SLC35F3: variants seen among roughly 807,000 people sequenced by gnomAD.
SLC35F3 encodes the protein putative thiamine transporter SLC35F3.
In SLC35F3, 25 loss-of-function variants were observed where a neutral mutation model predicts 49.9. That is an observed-to-expected ratio of 0.50 (90% CI 0.37 to 0.70). The LOEUF (loss-of-function observed/expected upper bound fraction) is 0.70. Ranked by LOEUF, SLC35F3 falls within the 30% of genes least tolerant of loss-of-function variation. The pLI, the probability that SLC35F3 is intolerant of heterozygous loss-of-function variation, is 0.00. For missense variants in SLC35F3, 525 were observed against 639.8 expected (o/e 0.82, Z 1.94); for synonymous variants, 275 against 265.4 (o/e 1.04, Z -0.35).
At chr1:234,227,523 T>C (rs982073453) in intron 2 of SLC35F3, among the ~76,000 whole-genome samples, 1 of 150,878 alleles carries the variant, frequency 6.6e-6, no homozygotes, top group Non-Finnish European at 1.5e-5. Context: ...CTCAGGCTCC[T>C]GAGTAGCTGG....
chr1:234,091,956 T>C (rs1017022510), intron 2 of SLC35F3, among the ~76,000 whole-genome samples: 1 of 152,190 alleles, frequency 6.6e-6, no homozygotes, highest in African/African-American at 2.4e-5. Context: ...TGGGCTTTCT[T>C]TGGTTGTGAG....
chr1:234,270,395 A>G (rs1040268618), intron 3 of SLC35F3, among the ~76,000 whole-genome samples: 3 of 152,220 alleles, frequency 2.0e-5, no homozygotes, highest in Non-Finnish European at 4.4e-5. Context: ...TTCTCAGGTT[A>G]TCTTATCTTC....
intron 2 of SLC35F3, among the ~76,000 whole-genome samples, chr1:234,149,750 A>G (rs775236772): frequency 6.6e-6 from 1 of 152,248 alleles, no homozygotes; most frequent in Admixed American, 6.5e-5. Context: ...AATCAGGAGC[A>G]TGCTTTTCTT....
At chr1:233,992,585 C>T (rs1193938428) in intron 2 of SLC35F3, among the ~76,000 whole-genome samples, 2 of 152,166 alleles carry the variant, frequency 1.3e-5, no homozygotes, top group African/African-American at 4.8e-5. Flanking sequence ...AGAATAGCAC[C>T]AAACCATTCA....
rs746872593 is a variant in SLC35F3, at chr1:234,231,438, C to T, written c.305C>T (p.Ser102Phe). The T allele has an allele frequency of 3.1e-6, 5 of 1,593,766 alleles. No individual in the cohort carries two copies. The highest frequency in any genetic ancestry group is 4.3e-6 in the Non-Finnish European group (5 of 1,170,704). The change falls in exon 3 of 8, where the codon TCC becomes TTC. Residue 102 changes from serine to phenylalanine, a missense_variant. Physicochemically the swap from Ser to Phe is radical, Grantham distance 155 (BLOSUM62 -2). This residue lies in a region of SLC35F3 where 228 missense variants were observed against 218.9 expected (regional missense o/e 1.04). Coordinates refer to ENST00000366618, the MANE Select transcript of SLC35F3 (RefSeq NM_173508.4). The surrounding 1 kb of genome is among the most constrained non-coding windows in gnomAD (Gnocchi z 5.4). ...CCAGGGGAGGAGCGCCCCCGGGACT[C>T]CCCGGGCCCGGCGGAGGCCCAGGCA... ...SCKREERPRD[S>F]PGPAEAQAPA...
At chr1:233,918,427 A>AT (rs1301752867) in intron 2 of SLC35F3, among the ~76,000 whole-genome samples, 2 of 152,004 alleles carry the variant, frequency 1.3e-5, no homozygotes, top group Admixed American at 1.3e-4. Context: ...TGTCTGTGTG[A>AT]TTTTGGGGGA....
chr1:234,027,758 C>T lies in SLC35F3; in HGVS notation c.283+122000C>T, dbSNP rs1019881053. Among the ~76,000 whole-genome samples, 1 of 152,116 alleles carries T rather than the reference C, an allele frequency of 6.6e-6. No homozygotes were observed. The highest frequency in any genetic ancestry group is 1.5e-5 in the Non-Finnish European group (1 of 68,022). On this transcript the variant is annotated intron_variant, in intron 2 of 7. Coordinates refer to ENST00000366618, the MANE Select transcript of SLC35F3 (RefSeq NM_173508.4). The surrounding 1 kb of genome is among the most constrained non-coding windows in gnomAD (Gnocchi z 4.1). ...TATTCCTTCATTTAGTAAAAATTCACTGGGAGCCTGCGCCAGTTTAGCACT... is the reference window on the plus strand; with the variant it reads ...TATTCCTTCATTTAGTAAAAATTCATTGGGAGCCTGCGCCAGTTTAGCACT...
At chr1:234,300,683 G>T (rs1668679124) in intron 3 of SLC35F3, among the ~76,000 whole-genome samples, 1 of 152,228 alleles carries the variant, frequency 6.6e-6, no homozygotes, top group Non-Finnish European at 1.5e-5. Flanking sequence ...CTTCACTGAA[G>T]GGGATATACG....
At chr1:233,908,500 A>G (rs929022566) in intron 2 of SLC35F3, among the ~76,000 whole-genome samples, 1 of 150,300 alleles carries the variant, frequency 6.7e-6, no homozygotes, top group East Asian at 1.9e-4. Context: ...TGGATTCGCA[A>G]GTTTCGCTCT....
chr1:234,130,473 TAA>T (rs71170467), intron 2 of SLC35F3, among the ~76,000 whole-genome samples: 1 of 138,846 alleles, frequency 7.2e-6, no homozygotes. Flanking sequence ...ACCCCGTCTC[TAA>T]AAAAAAAAAA....
chr1:234,247,835 A>G (rs1249899901), intron 3 of SLC35F3, among the ~76,000 whole-genome samples: 11 of 151,094 alleles, frequency 7.3e-5, no homozygotes, highest in Non-Finnish European at 1.3e-4. Flanking sequence ...TGGCTGGTGC[A>G]TTGTTTGATG....
intron 2 of SLC35F3, among the ~76,000 whole-genome samples, chr1:233,991,690 T>C (rs1663357757): frequency 6.6e-6 from 1 of 152,224 alleles, no homozygotes; most frequent in South Asian, 2.1e-4. Context: ...GTCTCTTTTT[T>C]GTTCTGGCTA....
intron 2 of SLC35F3, among the ~76,000 whole-genome samples, chr1:234,017,435 C>T (rs922605979): frequency 4.6e-5 from 7 of 151,956 alleles, no homozygotes; most frequent in East Asian, 1.9e-4. Flanking sequence ...ACCTTGCAGC[C>T]GGGCGCAGTG....
chr1:234,223,940 G>C (rs962625338), intron 2 of SLC35F3, among the ~76,000 whole-genome samples: 9 of 152,234 alleles, frequency 5.9e-5, no homozygotes, highest in Non-Finnish European at 1.2e-4. Flanking sequence ...CTTGATGTGT[G>C]TATGGAGAGA....
intron 2 of SLC35F3, among the ~76,000 whole-genome samples, chr1:234,072,604 G>A (rs972558867): frequency 2.0e-5 from 3 of 152,224 alleles, no homozygotes; most frequent in African/African-American, 4.8e-5. Flanking sequence ...TATCTCTGAT[G>A]TGAAGATAAT....
At chr1:234,225,901 A>G (rs955945986) in intron 2 of SLC35F3, among the ~76,000 whole-genome samples, 18 of 152,224 alleles carry the variant, frequency 1.2e-4, no homozygotes, top group African/African-American at 4.1e-4. Context: ...CCCCAAAGAC[A>G]TGATGTTAAA....
intron 3 of SLC35F3, among the ~76,000 whole-genome samples, chr1:234,246,536 C>T (rs1227730635): frequency 6.6e-6 from 1 of 152,232 alleles, no homozygotes; most frequent in East Asian, 1.9e-4. Context: ...AGAGCAAACA[C>T]ACGATGTGTT....
At chr1:233,935,189 CTTTTTTTTTTTTT>C (rs35418747) in intron 2 of SLC35F3, among the ~76,000 whole-genome samples, 55 of 50,314 alleles carry the variant, frequency 1.1e-3, no homozygotes, top group Middle Eastern at 0.023. Context: ...TTTCCTTGCC[CTTTTTTTTTTTTT>C]TTTTTTTTTT....
chr1:233,981,395 C>T (rs1485476605), intron 2 of SLC35F3, among the ~76,000 whole-genome samples: 1 of 152,190 alleles, frequency 6.6e-6, no homozygotes, highest in African/African-American at 2.4e-5. Context: ...GAATGCTATA[C>T]ACATGGAATC....
Sources: allele counts gnomAD v4.1 joint callset (sites outside exome capture counted in the v4.1 genomes callset), GRCh38; gene constraint gnomAD v4.1.1; regional missense constraint gnomAD v4.1.1; non-coding constraint Gnocchi (gnomAD v3.1); transcripts MANE v1.5; gene names NCBI Gene and HGNC (gene_info 2026-07-23, HGNC 2026-07-21).